REPS1: variants seen among roughly 807,000 people sequenced by gnomAD.
REPS1 encodes the protein ralBP1-associated Eps domain-containing protein 1.
A neutral mutation model predicts 100.9 loss-of-function variants in REPS1; 39 were observed. That is an observed-to-expected ratio of 0.39 (90% CI 0.30 to 0.50). The LOEUF (loss-of-function observed/expected upper bound fraction) is 0.50, where lower values mean the gene tolerates loss of function less well. Ranked by LOEUF, REPS1 falls within the 20% of genes least tolerant of loss-of-function variation. REPS1 has a pLI of 0.86. For synonymous variants in REPS1, 324 were observed against 340.3 expected (o/e 0.95, Z 0.53); for missense variants, 821 against 968.5 (o/e 0.85, Z 2.02).
intron 2 of REPS1, among the ~76,000 whole-genome samples, chr6:138,947,356 A>G (rs963877709): frequency 1.3e-5 from 2 of 152,030 alleles, no homozygotes; most frequent in African/African-American, 4.8e-5. Context: ...ATTTCAACTG[A>G]AGCCTCCACA....
chr6:138,947,240 T>C (rs1232631527), intron 2 of REPS1, among the ~76,000 whole-genome samples: 1 of 152,178 alleles, frequency 6.6e-6, no homozygotes, highest in Non-Finnish European at 1.5e-5. Context: ...AATGGACTAA[T>C]ACAAACTTGT....
In REPS1 at chr6:138,904,845, C is replaced by T. The variant is rs1779530092; in HGVS notation, c.*219G>A. On this transcript the variant is annotated 3_prime_UTR_variant, in exon 20 of 20. Transcript: ENST00000450536. ...GGAACAGAAAAGGTGGGTGTGCCAA[C>T]AAACACAATCTACCCTCCAGAAAAC... 2.4e-6 allele frequency: 1 copy of T among 416,352 alleles called. No homozygotes were observed. 25.8% of individuals were successfully genotyped at this position (416,352 alleles called of 1,614,324 possible).
At chr6:138,917,275 T>C (rs1780461919) in intron 13 of REPS1, among the ~76,000 whole-genome samples, 1 of 152,238 alleles carries the variant, frequency 6.6e-6, no homozygotes, top group Non-Finnish European at 1.5e-5. Context: ...CTTGACAGAT[T>C]CTCGTTGTTT....
chr6:138,967,375 AAAT>A (rs1403126568), intron 1 of REPS1, among the ~76,000 whole-genome samples: 3 of 152,236 alleles, frequency 2.0e-5, no homozygotes, highest in Non-Finnish European at 2.9e-5. Context: ...CTCCTTTGAA[AAAT>A]AACACAGGTG....
At chr6:138,985,195 G>A (rs1440846691) in intron 1 of REPS1, among the ~76,000 whole-genome samples, 1 of 152,072 alleles carries the variant, frequency 6.6e-6, no homozygotes, top group Non-Finnish European at 1.5e-5. Flanking sequence ...TCTCTGCCTG[G>A]AAGCCCTCAT....
chr6:138,937,207 G>A lies in REPS1; in HGVS notation c.1135+4128C>T, dbSNP rs566361521. ...CCCCATGATTCAATTACCTCCCACC[G>A]GGTCCCTCCCACAAACATAAGAATT... On this transcript the variant is annotated intron_variant, in intron 8 of 19. Transcript: ENST00000450536. Among the ~76,000 whole-genome samples the A allele has an allele frequency of 6.4e-4, 97 of 152,064 alleles. 1 individual carries two copies. Among genetic ancestry groups the A allele is most frequent in the South Asian group, 1.9e-3 (9 of 4,802 alleles).
intron 1 of REPS1, among the ~76,000 whole-genome samples, chr6:138,956,926 C>T (rs190188126): frequency 6.6e-6 from 1 of 151,500 alleles, no homozygotes; most frequent in African/African-American, 2.4e-5. Context: ...GTTAAAAGAA[C>T]CATCAGAGAA....
chr6:138,948,847 G>A (rs1430335479), intron 1 of REPS1, among the ~76,000 whole-genome samples: 2 of 152,152 alleles, frequency 1.3e-5, no homozygotes, highest in Non-Finnish European at 2.9e-5. Context: ...TTCAAAAAAA[G>A]GACCTATTAA....
intron 14 of REPS1, among the ~76,000 whole-genome samples, chr6:138,915,559 T>C (rs1780309132): frequency 6.6e-6 from 1 of 151,364 alleles, no homozygotes; most frequent in African/African-American, 2.4e-5. Flanking sequence ...TTCAAGGGAC[T>C]CTCCCACCTC....
At chr6:138,953,257 G>T (rs1366472278) in intron 1 of REPS1, among the ~76,000 whole-genome samples, 2 of 152,052 alleles carry the variant, frequency 1.3e-5, no homozygotes, top group Admixed American at 1.3e-4. Context: ...AAAACAGACA[G>T]GAAATGCTTC....
intron 10 of REPS1, 95 bp downstream of exon 10, chr6:138,926,306 C>G: frequency 1.1e-6 from 1 of 894,826 alleles, no homozygotes; most frequent in Non-Finnish European, 1.8e-6. Context: ...TCTAAGCACT[C>G]CACTGAATCA....
chr6:138,910,122 T>C (rs187817238), intron 17 of REPS1, among the ~76,000 whole-genome samples: 1 of 152,322 alleles, frequency 6.6e-6, no homozygotes, highest in African/African-American at 2.4e-5. Flanking sequence ...GATAGATCCC[T>C]TGTGAATGGC....
At chr6:138,944,117 T>C in intron 5 of REPS1, 102 bp from the exon 6 acceptor site, 2 of 1,089,352 alleles carry the variant, frequency 1.8e-6, no homozygotes, top group Non-Finnish European at 2.7e-6. Flanking sequence ...TTGCTTTTTG[T>C]GTATATTTAA....
rs767640135 is a variant in REPS1, at chr6:138,912,929, G to A, written c.1807C>T (p.Arg603Cys). ...ATGAGGCCATCGGCATCCACTGGGC[G>A]ATGCACAGCAGGACCAGGAGCCTGT... ...PSQAPGPAVH[R>C]PVDADGLITH... Residue 603 changes from arginine (R) to cysteine (C), a missense_variant, in exon 16 of 20, where the codon CGC (arginine) becomes TGC (cysteine). By Grantham distance (180) the Arg-to-Cys change is radical (BLOSUM62 -3). Around this residue, in one of 3 missense-constraint regions of REPS1, gnomAD observed 757 missense variants for 866.4 expected, o/e 0.87. Coordinates refer to ENST00000450536, the MANE Select transcript of REPS1 (RefSeq NM_001286611.2). 7 of 1,613,688 alleles carry A rather than the reference G, an allele frequency of 4.3e-6. No homozygotes were observed. Among genetic ancestry groups the A allele is most frequent in the East Asian group, 4.5e-5 (2 of 44,898 alleles).
intron 17 of REPS1, among the ~76,000 whole-genome samples, chr6:138,909,975 T>G (rs1315762932): frequency 1.3e-5 from 2 of 152,154 alleles, no homozygotes; most frequent in Non-Finnish European, 2.9e-5. Flanking sequence ...AATTATTCCC[T>G]CAAAGGGAAA....
At chr6:138,977,777 G>A (rs1784680494) in intron 1 of REPS1, among the ~76,000 whole-genome samples, 1 of 152,210 alleles carries the variant, frequency 6.6e-6, no homozygotes, top group Admixed American at 6.5e-5. Flanking sequence ...GAGTGGAACT[G>A]CTGGTTGCTA....
chr6:138,982,148 T>C (rs1280018544), intron 1 of REPS1, among the ~76,000 whole-genome samples: 2 of 152,218 alleles, frequency 1.3e-5, no homozygotes, highest in African/African-American at 2.4e-5. Context: ...AACCTGAGAC[T>C]TATTAAGTTT....
intron 1 of REPS1, among the ~76,000 whole-genome samples, chr6:138,957,723 C>A (rs988400126): frequency 6.6e-6 from 1 of 152,226 alleles, no homozygotes; most frequent in South Asian, 2.1e-4. Flanking sequence ...AAGAACTCAA[C>A]GGCTATGAAG....
intron 1 of REPS1, among the ~76,000 whole-genome samples, chr6:138,980,306 C>A (rs984029965): frequency 6.6e-6 from 1 of 152,186 alleles, no homozygotes; most frequent in South Asian, 2.1e-4. Flanking sequence ...TTTGCTCATA[C>A]AGCAGTCAGC....
Sources: gnomAD v4.1 joint callset for allele counts (sites outside exome capture counted in the v4.1 genomes callset) on GRCh38, gnomAD v4.1.1 for gene constraint, gnomAD v4.1.1 regional missense constraint, MANE v1.5 for transcripts, NCBI Gene and HGNC (gene_info 2026-07-23, HGNC 2026-07-21) for gene names.